The following MAGI3 variants were observed in gnomAD, a reference collection of about 807,000 sequenced individuals.
MAGI3 encodes membrane-associated guanylate kinase, WW and PDZ domain-containing protein 3.
Under a neutral mutation model 121.8 loss-of-function variants are expected in MAGI3, and 43 were observed. That is an observed-to-expected ratio of 0.35 (90% CI 0.28 to 0.46). The LOEUF is 0.46. MAGI3 is among the 20% of genes least tolerant of loss of function. MAGI3 has a pLI of 1.00. For missense variants in MAGI3, 1,547 were observed against 1,797.3 expected (o/e 0.86, Z 2.52); for synonymous variants, 553 against 639.3 (o/e 0.86, Z 2.04).
At chr1:113,412,615 G>A (rs1381346201) in intron 1 of MAGI3, among the ~76,000 whole-genome samples, 2 of 152,128 alleles carry the variant, frequency 1.3e-5, no homozygotes, top group Non-Finnish European at 2.9e-5. Flanking sequence ...GCATTTCTCT[G>A]ATGACCAGTG....
chr1:113,606,258 T>C (rs926279927), intron 6 of MAGI3, among the ~76,000 whole-genome samples: 1 of 152,116 alleles, frequency 6.6e-6, no homozygotes, highest in African/African-American at 2.4e-5. Flanking sequence ...TGAGCCACCA[T>C]GCCCAGCCCA....
At chr1:113,402,051 C>T (rs1445012037) in intron 1 of MAGI3, among the ~76,000 whole-genome samples, 1 of 152,138 alleles carries the variant, frequency 6.6e-6, no homozygotes, top group Non-Finnish European at 1.5e-5. Context: ...TTAGCAATGG[C>T]AGAAGTCATA....
In MAGI3 at chr1:113,512,069, C is replaced by T. The variant is rs139566674; in HGVS notation, c.317-37446C>T. ...GGGGGAAAAGACAGTAATTTGAAAA[C>T]GTTCAAATGCCAACATTTTTTTCAC... On this transcript the variant is annotated intron_variant, in intron 1 of 20. Transcript: ENST00000307546. Among the ~76,000 whole-genome samples the T allele has an allele frequency of 4.6e-3, 698 of 152,200 alleles. 8 individuals carry two copies. The highest frequency in any genetic ancestry group is 0.016 in the African/African-American group (655 of 41,526).
chr1:113,681,055 C>T, intron 19 of MAGI3, 143 bp from the exon 20 acceptor site: 1 of 825,310 alleles, frequency 1.2e-6, no homozygotes, highest in Non-Finnish European at 1.8e-6. Flanking sequence ...CATCAACTCT[C>T]ACATGGCAGT....
chr1:113,462,356 A>C (rs1161919266), intron 1 of MAGI3, among the ~76,000 whole-genome samples: 1 of 152,166 alleles, frequency 6.6e-6, no homozygotes. Flanking sequence ...GTGGCACCTA[A>C]ATACCATGGA....
At chr1:113,509,833 G>A (rs1049426424) in intron 1 of MAGI3, among the ~76,000 whole-genome samples, 1 of 142,296 alleles carries the variant, frequency 7.0e-6, no homozygotes, top group Admixed American at 7.2e-5. Context: ...GTTTGTTTTC[G>A]ACCCCTTGAG....
intron 6 of MAGI3, among the ~76,000 whole-genome samples, chr1:113,607,299 C>A (rs1649833564): frequency 6.6e-6 from 1 of 152,180 alleles, no homozygotes; most frequent in African/African-American, 2.4e-5. Flanking sequence ...ATCACATACT[C>A]TAACCAGAGT....
At chr1:113,553,033 C>T (rs1416770310) in intron 2 of MAGI3, among the ~76,000 whole-genome samples, 1 of 152,062 alleles carries the variant, frequency 6.6e-6, no homozygotes, top group Non-Finnish European at 1.5e-5. Flanking sequence ...AGAAGGGGTG[C>T]TTGATACTTA....
chr1:113,643,825 G>T, intron 11 of MAGI3, 51 bp downstream of exon 11: 2 of 1,536,668 alleles, frequency 1.3e-6, no homozygotes, highest in Non-Finnish European at 9.0e-7. Flanking sequence ...TGAGAGAGAT[G>T]CCACATTCCC....
At chr1:113,598,222 A>AC (rs142358447) in intron 6 of MAGI3, among the ~76,000 whole-genome samples, 15,680 of 114,408 alleles carry the variant, frequency 0.14, 749 homozygotes, top group Non-Finnish European at 0.19. Flanking sequence ...CCATCCCCCC[A>AC]CCCCCCCTCC....
At chr1:113,455,652 A>C (rs933208103) in intron 1 of MAGI3, among the ~76,000 whole-genome samples, 1 of 152,050 alleles carries the variant, frequency 6.6e-6, no homozygotes, top group African/African-American at 2.4e-5. Context: ...ATTAATCCTT[A>C]GATTTCTACT....
intron 2 of MAGI3, among the ~76,000 whole-genome samples, chr1:113,565,706 AT>A (rs1660410918): frequency 6.6e-6 from 1 of 152,196 alleles, no homozygotes. Flanking sequence ...AACTTATAGG[AT>A]TTATATGAAG....
intron 16 of MAGI3, among the ~76,000 whole-genome samples, chr1:113,668,607 G>A (rs975383201): frequency 5.2e-5 from 6 of 116,072 alleles, no homozygotes; most frequent in African/African-American, 6.9e-5. Flanking sequence ...ACGGAGTCTC[G>A]CTCTGTCGCC....
intron 1 of MAGI3, among the ~76,000 whole-genome samples, chr1:113,474,708 G>A (rs974435091): frequency 3.9e-5 from 6 of 152,154 alleles, no homozygotes; most frequent in African/African-American, 1.2e-4. Flanking sequence ...GCTTAGGATT[G>A]TCTTGGTACT....
At chr1:113,641,853 C>G in intron 9 of MAGI3, 58 bp from the exon 10 acceptor site, 1 of 1,481,712 alleles carries the variant, frequency 6.7e-7, no homozygotes, top group South Asian at 1.4e-5. Context: ...GCCCCTCTAG[C>G]AAAAAAATTA....
intron 1 of MAGI3, among the ~76,000 whole-genome samples, chr1:113,431,529 A>G (rs1653298405): frequency 6.6e-6 from 1 of 152,204 alleles, no homozygotes; most frequent in Non-Finnish European, 1.5e-5. Context: ...TCAATAGTTT[A>G]GCATAGATGT....
At chr1:113,662,686 A>G (rs918887031) in intron 16 of MAGI3, among the ~76,000 whole-genome samples, 1 of 152,132 alleles carries the variant, frequency 6.6e-6, no homozygotes, top group Non-Finnish European at 1.5e-5. Context: ...TGTTTTATGT[A>G]CTGCATTTTA....
chr1:113,419,562 A>G (rs1652628427), intron 1 of MAGI3, among the ~76,000 whole-genome samples: 1 of 152,168 alleles, frequency 6.6e-6, no homozygotes, highest in Non-Finnish European at 1.5e-5. Context: ...CTGGGGGTGT[A>G]GAGTGCAGGG....
chr1:113,684,214 G>T lies in MAGI3; in HGVS notation c.*200G>T. 1 of 505,866 alleles carries T rather than the reference G, an allele frequency of 2.0e-6. No individual in the cohort carries two copies. The highest frequency in any genetic ancestry group is 3.2e-6 in the Non-Finnish European group (1 of 308,036). 31.3% of individuals were successfully genotyped at this position (505,866 alleles called of 1,614,324 possible). On this transcript the variant is annotated 3_prime_UTR_variant, in exon 21 of 21. Transcript: ENST00000307546. ...TCCCCCTGGCCGGCTGCCCTCCCTC[G>T]CTCTCAGGAAGGAGCTGCATCCACA...
Sources: gnomAD v4.1 joint callset for allele counts (sites outside exome capture counted in the v4.1 genomes callset) on GRCh38, gnomAD v4.1.1 for gene constraint, MANE v1.5 for transcripts, NCBI Gene and HGNC (gene_info 2026-07-23, HGNC 2026-07-21) for gene names.